RBFOX1: variants seen among roughly 807,000 people sequenced by gnomAD.
The protein encoded by RBFOX1 is RNA binding protein fox-1 homolog 1.
RBFOX1 carries 8 observed loss-of-function variants against 57.7 expected under a neutral mutation model. That is an observed-to-expected ratio of 0.14 (90% confidence interval 0.08 to 0.25). The LOEUF (loss-of-function observed/expected upper bound fraction) is 0.25, where lower values mean the gene tolerates loss of function less well. Among genes scored for constraint, RBFOX1 ranks in the 10% least tolerant of loss-of-function variants. The pLI is 1.00. For synonymous variants in RBFOX1, 326 were observed against 222.4 expected (o/e 1.47, Z -4.15); for missense variants, 611 against 548.5 (o/e 1.11, Z -1.14).
At chr16:5,731,407 C>T (rs1184249123) in intron 3 of RBFOX1, among the ~76,000 whole-genome samples, 6 of 152,180 alleles carry the variant, frequency 3.9e-5, no homozygotes, top group African/African-American at 1.4e-4. Flanking sequence ...GCTAAAACCC[C>T]ACCTGCAGCA....
intron 3 of RBFOX1, among the ~76,000 whole-genome samples, chr16:6,937,569 C>T (rs56268269): frequency 6.6e-6 from 1 of 151,962 alleles, no homozygotes; most frequent in Non-Finnish European, 1.5e-5. Flanking sequence ...TAGTTTCACA[C>T]ATTTTAGGGA....
intron 3 of RBFOX1, among the ~76,000 whole-genome samples, chr16:5,679,652 A>G (rs573263427): frequency 5.3e-5 from 8 of 152,176 alleles, no homozygotes; most frequent in Admixed American, 2.0e-4. Flanking sequence ...TTGACCATCA[A>G]TTCTCTTTCA....
chr16:6,432,855 G>C (rs184335414), intron 2 of RBFOX1, among the ~76,000 whole-genome samples: 2 of 152,124 alleles, frequency 1.3e-5, no homozygotes, highest in Non-Finnish European at 1.5e-5. Flanking sequence ...GTGCATGCCT[G>C]TAATCCCAGC....
intron 2 of RBFOX1, among the ~76,000 whole-genome samples, chr16:6,548,588 A>T (rs962513515): frequency 6.6e-6 from 1 of 152,222 alleles, no homozygotes; most frequent in African/African-American, 2.4e-5. Context: ...ATACAAATAA[A>T]ACACGAATAA....
intron 2 of RBFOX1, among the ~76,000 whole-genome samples, chr16:6,497,189 C>G (rs1219745344): frequency 3.3e-5 from 5 of 152,128 alleles, no homozygotes; most frequent in African/African-American, 9.7e-5. Context: ...CGACTAAACC[C>G]ACAAGCAGCT....
intron 3 of RBFOX1, among the ~76,000 whole-genome samples, chr16:6,857,375 A>G (rs1039004040): frequency 8.5e-5 from 13 of 152,162 alleles, no homozygotes; most frequent in African/African-American, 3.1e-4. Flanking sequence ...TTCTTAGTGA[A>G]TCAGAGGTCT....
intron 4 of RBFOX1, among the ~76,000 whole-genome samples, chr16:5,973,194 G>C (rs1076380): frequency 0.66 from 100,598 of 152,080 alleles, 34,704 homozygotes; most frequent in East Asian, 0.87. Context: ...TGGACTTACC[G>C]TCAAAAATAT....
intron 2 of RBFOX1, among the ~76,000 whole-genome samples, chr16:5,529,546 A>G (rs1178822480): frequency 6.7e-6 from 1 of 149,820 alleles, no homozygotes; most frequent in Non-Finnish European, 1.5e-5. Flanking sequence ...ACAGGCGTGC[A>G]CCACCATGCT....
chr16:6,521,546 C>T (rs1001925207), intron 2 of RBFOX1, among the ~76,000 whole-genome samples: 1 of 145,748 alleles, frequency 6.9e-6, no homozygotes. Flanking sequence ...CTCCTCTCCT[C>T]TCCTTCCCTC....
chr16:5,330,412 A>T lies in RBFOX1; in HGVS notation c.219+90307A>T, dbSNP rs1359778288. Among the ~76,000 whole-genome samples, 17 of 151,736 alleles carry T rather than the reference A, an allele frequency of 1.1e-4. No individual in the cohort carries two copies. The South Asian group carries it at 1.7e-3, about 15-fold the overall frequency. ...AATTATTTTATTTGATTAAAAGAAA[A>T]TTTTTTTTGAGACAGAGTCTCAGTC... On this transcript the variant is annotated intron_variant, in intron 1 of 2. Coordinates refer to the RBFOX1 transcript ENST00000585867.
intron 4 of RBFOX1, among the ~76,000 whole-genome samples, chr16:7,463,042 A>G (rs914797376): frequency 6.6e-6 from 1 of 152,214 alleles, no homozygotes; most frequent in Non-Finnish European, 1.5e-5. Context: ...TGGTTGGCTT[A>G]TCAACAACAG....
chr16:5,582,296 TAA>T (rs1189988669), intron 2 of RBFOX1, among the ~76,000 whole-genome samples: 1 of 152,068 alleles, frequency 6.6e-6, no homozygotes, highest in Admixed American at 6.5e-5. Context: ...CAAGCTGAGT[TAA>T]AGAGTGCAGT....
intron 1 of RBFOX1, among the ~76,000 whole-genome samples, chr16:6,108,804 C>A (rs184515547): frequency 1.4e-4 from 22 of 152,196 alleles, no homozygotes; most frequent in South Asian, 4.2e-4. Context: ...CAATCTATGT[C>A]CCCATCTTCA....
At chr16:5,613,899 T>A (rs947486826) in intron 3 of RBFOX1, among the ~76,000 whole-genome samples, 4 of 151,268 alleles carry the variant, frequency 2.6e-5, no homozygotes, top group Non-Finnish European at 4.4e-5. Flanking sequence ...CATCTCCCAT[T>A]TTCCTCCTGT....
intron 2 of RBFOX1, among the ~76,000 whole-genome samples, chr16:6,650,019 G>T (rs770926607): frequency 6.6e-6 from 1 of 152,146 alleles, no homozygotes; most frequent in Non-Finnish European, 1.5e-5. Flanking sequence ...GAATAATGCT[G>T]CAGTGAAGAA....
At chr16:7,071,366 T>C (rs552418811) in intron 4 of RBFOX1, among the ~76,000 whole-genome samples, 2 of 152,196 alleles carry the variant, frequency 1.3e-5, no homozygotes, top group East Asian at 3.9e-4. Context: ...GTCATGAAAT[T>C]AGGTGTTAGA....
chr16:7,089,432 G>A (rs139336001), intron 4 of RBFOX1, among the ~76,000 whole-genome samples: 4 of 152,202 alleles, frequency 2.6e-5, no homozygotes, highest in African/African-American at 7.2e-5. Flanking sequence ...ACGTGGGATT[G>A]TCGCCTCAAT....
chr16:7,394,752 T>A (rs2098113674), intron 4 of RBFOX1, among the ~76,000 whole-genome samples: 1 of 152,156 alleles, frequency 6.6e-6, no homozygotes, highest in African/African-American at 2.4e-5. Flanking sequence ...TCCTTTGTAA[T>A]TCTCATCCAG....
intron 4 of RBFOX1, among the ~76,000 whole-genome samples, chr16:7,247,661 C>T (rs1369858911): frequency 6.6e-6 from 1 of 152,238 alleles, no homozygotes; most frequent in South Asian, 2.1e-4. Flanking sequence ...TTAGTGACTG[C>T]TTGTCATTTA....
Sources: gnomAD v4.1 joint callset for allele counts (sites outside exome capture counted in the v4.1 genomes callset) on GRCh38, gnomAD v4.1.1 for gene constraint, MANE v1.5 for transcripts, NCBI Gene and HGNC (gene_info 2026-07-23, HGNC 2026-07-21) for gene names.